The following DNAI7 variants were observed in gnomAD, a reference collection of about 807,000 sequenced individuals.
DNAI7 encodes the protein dynein axonemal intermediate chain 7.
Under a neutral mutation model 86.6 loss-of-function variants are expected in DNAI7, and 78 were observed. The ratio of observed to expected loss-of-function variants is 0.90; its 90% CI spans 0.75 to 1.09. The LOEUF (loss-of-function observed/expected upper bound fraction) is 1.09. Among genes scored for constraint, DNAI7 ranks in the 50% least tolerant of loss-of-function variants. The pLI is 0.00. For missense variants in DNAI7, 753 were observed against 810.2 expected (o/e 0.93, Z 0.86); for synonymous variants, 274 against 273.0 (o/e 1.00, Z -0.04).
chr12:25,187,880 C>G (rs1950175829), intron 2 of DNAI7, among the ~76,000 whole-genome samples: 1 of 132,014 alleles, frequency 7.6e-6, no homozygotes, highest in Non-Finnish European at 1.6e-5. Flanking sequence ...GACAAACAAT[C>G]CCACAACACA....
At chr12:25,140,370 C>T (rs1177538101) in intron 9 of DNAI7, among the ~76,000 whole-genome samples, 2 of 152,032 alleles carry the variant, frequency 1.3e-5, no homozygotes, top group Non-Finnish European at 2.9e-5. Context: ...AATCAATGTA[C>T]ACAAATCAGT....
At chr12:25,127,737 CAT>C (rs1471411057) in intron 9 of DNAI7, among the ~76,000 whole-genome samples, 1 of 152,072 alleles carries the variant, frequency 6.6e-6, no homozygotes, top group Non-Finnish European at 1.5e-5. Flanking sequence ...GATAGTATAA[CAT>C]AGAAATTCCT....
chr12:25,133,581 C>T (rs1019586739), intron 9 of DNAI7, among the ~76,000 whole-genome samples: 1 of 152,218 alleles, frequency 6.6e-6, no homozygotes, highest in African/African-American at 2.4e-5. Context: ...TGCCCTGGCA[C>T]ACCTCACCAA....
intron 9 of DNAI7, among the ~76,000 whole-genome samples, chr12:25,142,987 ATC>A (rs1944387444): frequency 6.6e-6 from 1 of 152,216 alleles, no homozygotes; most frequent in African/African-American, 2.4e-5. Flanking sequence ...CTTCTAAACT[ATC>A]TGAGAGTTCA....
chr12:25,193,423 T>C (rs1392252879), intron 1 of DNAI7, among the ~76,000 whole-genome samples: 2 of 152,190 alleles, frequency 1.3e-5, no homozygotes, highest in South Asian at 4.1e-4. Context: ...AACAGATCTC[T>C]CCCTAAGGCC....
chr12:25,108,107 T>C (rs772243411), downstream of DNAI7: 9 of 1,587,168 alleles, frequency 5.7e-6, no homozygotes, highest in Non-Finnish European at 7.7e-6. Flanking sequence ...AGTTTCAGTA[T>C]CTGAACTTCG....
At chr12:25,111,610 T>C (rs1938831107) in intron 14 of DNAI7, among the ~76,000 whole-genome samples, 162 bp downstream of exon 14, 1 of 152,142 alleles carries the variant, frequency 6.6e-6, no homozygotes, top group Admixed American at 6.5e-5. Flanking sequence ...TTAGGGAAAA[T>C]TAAGAGAACC....
At chr12:25,188,601 G>A (rs972247810) in intron 2 of DNAI7, among the ~76,000 whole-genome samples, 1 of 151,578 alleles carries the variant, frequency 6.6e-6, no homozygotes, top group East Asian at 1.9e-4. Context: ...TTGAACCCGG[G>A]AGGCGAAGGT....
chr12:25,126,249 C>T (rs1008906818), intron 9 of DNAI7, among the ~76,000 whole-genome samples: 2 of 151,996 alleles, frequency 1.3e-5, no homozygotes, highest in African/African-American at 4.8e-5. Flanking sequence ...GATGCAGGGG[C>T]CAGATTGTGG....
rs188469979 is a variant in DNAI7 at position 25,130,406 on chromosome 12, G to A, written c.1003-7120C>T. ...CAAAAAATTAGCCGGGCGCGGGGGC[G>A]GGTGCCTGTAGTCCCAGCTACTTGG... On this transcript the variant is annotated intron_variant, in intron 9 of 15. Transcript: ENST00000395987. Among the ~76,000 whole-genome samples, 672 of 152,052 alleles carry A rather than the reference G, an allele frequency of 4.4e-3. 3 individuals carry two copies. The highest frequency in any genetic ancestry group is 5.4e-3 in the Non-Finnish European group (365 of 67,962).
At chr12:25,154,535 A>T in intron 5 of DNAI7, 79 bp from the exon 6 acceptor site, 2 of 1,474,962 alleles carry the variant, frequency 1.4e-6, no homozygotes, top group Non-Finnish European at 1.8e-6. Flanking sequence ...TTGAAGGTGA[A>T]TTTTTATAAC....
chr12:25,147,246 C>A, intron 7 of DNAI7, 142 bp from the exon 8 acceptor site: 2 of 540,244 alleles, frequency 3.7e-6, no homozygotes, highest in Non-Finnish European at 3.3e-6. Flanking sequence ...AAGGTTCAAT[C>A]AACATGACAA....
rs1232466495 is a variant in DNAI7 at position 25,123,196 on chromosome 12, T to A, written c.1078+15A>T. On this transcript the variant is annotated intron_variant, in intron 10 of 15. Coordinates refer to ENST00000395987, the MANE Select transcript of DNAI7 (RefSeq NM_018272.5). Reference sequence around the variant, plus strand: ...TCTCAATAAAGTTAAATTCTTAAAATGTAATTTAGAATACCTGCTGAAACA... The same window carrying A: ...TCTCAATAAAGTTAAATTCTTAAAAAGTAATTTAGAATACCTGCTGAAACA... 3 of 1,508,442 alleles carry A rather than the reference T, an allele frequency of 2.0e-6. No homozygotes were observed. The highest frequency in any genetic ancestry group is 2.7e-6 in the Non-Finnish European group (3 of 1,098,636). 93.4% of individuals were successfully genotyped at this position (1,508,442 alleles called of 1,614,324 possible). A position where few individuals can be genotyped will look rare whatever the true frequency, so the allele number is the denominator to read the frequency against.
At chr12:25,110,334 G>T (rs1380120811) in intron 14 of DNAI7, 94 bp from the exon 15 acceptor site, 1 of 701,524 alleles carries the variant, frequency 1.4e-6, no homozygotes, top group Non-Finnish European at 2.5e-6. Context: ...CAACACAGAC[G>T]GATCCACTTA....
chr12:25,116,760 G>A (rs530785199), intron 12 of DNAI7, among the ~76,000 whole-genome samples: 5 of 152,050 alleles, frequency 3.3e-5, no homozygotes, highest in South Asian at 2.1e-4. Flanking sequence ...CTCCCAAAGC[G>A]CTAGGATTAC....
At chr12:25,152,831 G>A (rs929511331) in intron 6 of DNAI7, among the ~76,000 whole-genome samples, 1 of 152,194 alleles carries the variant, frequency 6.6e-6, no homozygotes, top group African/African-American at 2.4e-5. Context: ...TGGTTGGTGT[G>A]AGAAAACCCC....
At chr12:25,146,627 C>A (rs1194953092) in intron 8 of DNAI7, among the ~76,000 whole-genome samples, 1 of 150,020 alleles carries the variant, frequency 6.7e-6, no homozygotes, top group African/African-American at 2.4e-5. Context: ...AAAGCACCTA[C>A]CACTTCTACT....
intron 9 of DNAI7, among the ~76,000 whole-genome samples, chr12:25,125,922 G>A (rs546660455): frequency 3.9e-5 from 6 of 152,272 alleles, no homozygotes; most frequent in Admixed American, 1.3e-4. Flanking sequence ...GATGTTTGCA[G>A]ATGTGTGGCC....
At chr12:25,115,703 T>C (rs1223547085) in intron 12 of DNAI7, among the ~76,000 whole-genome samples, 2 of 152,236 alleles carry the variant, frequency 1.3e-5, no homozygotes, top group East Asian at 3.8e-4. Flanking sequence ...GAAAACCTCA[T>C]ATAGTGCTGG....
Sources: gnomAD v4.1 joint callset for allele counts (sites outside exome capture counted in the v4.1 genomes callset) on GRCh38, gnomAD v4.1.1 for gene constraint, MANE v1.5 for transcripts, NCBI Gene and HGNC (gene_info 2026-07-23, HGNC 2026-07-21) for gene names.